DUOXA1: variants seen among roughly 807,000 people sequenced by gnomAD.
DUOXA1 encodes dual oxidase activator 1.
A neutral mutation model predicts 26.6 loss-of-function variants in DUOXA1; 19 were observed. That is an observed-to-expected ratio of 0.71 (90% CI 0.50 to 1.05). The LOEUF (loss-of-function observed/expected upper bound fraction) is 1.05. DUOXA1 is among the 50% of genes least tolerant of loss of function. DUOXA1 has a pLI of 0.00. For missense variants in DUOXA1, 403 were observed against 427.5 expected, an observed-to-expected ratio of 0.94 and a Z score of 0.51; for synonymous variants, 166 against 177.0, an observed-to-expected ratio of 0.94 and a Z score of 0.49.
In DUOXA1 at chr15:45,120,148, G is replaced by C. The variant is rs201757094; in HGVS notation, c.727C>G (p.Leu243Val). 1 of 1,614,118 alleles carries C rather than the reference G, an allele frequency of 6.2e-7. No homozygotes were observed. Among genetic ancestry groups the C allele is most frequent in the East Asian group, 2.2e-5 (1 of 44,894 alleles). The change falls in exon 8 of 9, where the codon CTG becomes GTG. Residue 243 changes from leucine to valine, a missense_variant. Coordinates refer to ENST00000560572, the MANE Select transcript of DUOXA1 (RefSeq NM_001276266.2). ...PCPLHLGASV[L>V]HTHHGPAFWI... is the part of the protein sequence containing the mutation. ...AAGGCAGGCCCATGGTGAGTATGCA[G>C]CACAGAAGCGCCCAGGTGCAGGGGA...
At chr15:45,120,460 G>A in intron 7 of DUOXA1, 132 bp downstream of exon 7, 1 of 1,445,046 alleles carries the variant, frequency 6.9e-7, no homozygotes, top group Non-Finnish European at 9.7e-7. Flanking sequence ...GACTTCCCAA[G>A]CCAGCACCAT....
In DUOXA1 at chr15:45,119,114, C is replaced by G. The variant is rs372874489; in HGVS notation, c.1024G>C (p.Ala342Pro). The change falls in exon 9 of 9, where the codon GCT (alanine) becomes CCT (proline). Residue 342 changes from alanine to proline, a missense_variant. By Grantham distance (27) the Ala-to-Pro change is conservative. Transcript: ENST00000560572. ...CTCCACGGGGAGGAATGTTATAAAG[C>G]ACAATCAGGATCTTTGGGGTGTGCC... ...KEAHPKDPDC[A>P]L is the part of the protein sequence containing the mutation. The G allele has an allele frequency of 2.5e-6, 4 of 1,585,124 alleles. No individual in the cohort carries two copies. In the African/African-American group the frequency reaches 5.4e-5, roughly 21 times the overall value.
intron 8 of DUOXA1, 65 bp from the exon 9 acceptor site, chr15:45,119,430 C>A: frequency 1.3e-6 from 2 of 1,510,418 alleles, no homozygotes; most frequent in East Asian, 2.5e-5. Context: ...ATATCTTCCC[C>A]TGGGAGTGTC....
At chr15:45,121,816 C>T (rs958714059) in intron 5 of DUOXA1, among the ~76,000 whole-genome samples, 3 of 152,230 alleles carry the variant, frequency 2.0e-5, no homozygotes, top group Non-Finnish European at 4.4e-5. Context: ...TGTGCCCGGC[C>T]TCACGGAGAC....
In DUOXA1 at chr15:45,120,301, G is replaced by C; in HGVS notation, c.574C>G (p.Leu192Val). ...ATGGAGAGCATCACATTGGCCAGCA[G>C]CCAGCAGAGGAATGCCACCCTGGAG... is the stretch of plus-strand genomic sequence containing the variant. ...AMLWVAFLCW[L>V]LANVMLSMPV... Residue 192 changes from leucine to valine, a missense_variant, in exon 8 of 9, where the codon CTG becomes GTG. Leu to Val is a conservative substitution (Grantham distance 32, BLOSUM62 1). Transcript: ENST00000560572. 1 of 1,614,080 alleles carries C rather than the reference G, an allele frequency of 6.2e-7. No individual in the cohort carries two copies.
rs1015726976 is a variant in DUOXA1, at chr15:45,122,203, T to C, written c.187A>G (p.Ile63Val). ...CACTCACCCAGGATTGCAGCCCCGATGAATAAGCTGGTCACCACCCGAAGC... is the reference window on the plus strand; with the variant it reads ...CACTCACCCAGGATTGCAGCCCCGACGAATAAGCTGGTCACCACCCGAAGC... ...WLLRVVTSLF[I>V]GAAILAVNFS... Residue 63 changes from isoleucine to valine, a missense_variant, in exon 5 of 9, where the codon ATC (isoleucine) becomes GTC (valine). Ile to Val is a conservative substitution (Grantham distance 29, BLOSUM62 3). Transcript: ENST00000560572. 1.2e-6 allele frequency: 2 copies of C among 1,604,896 alleles called. No homozygotes were observed. Among genetic ancestry groups the C allele is most frequent in the Non-Finnish European group, 1.7e-6 (2 of 1,175,706 alleles).
rs1490607412 is a variant in DUOXA1, at chr15:45,122,888, G to C, written c.127C>G (p.Pro43Ala). Residue 43 changes from proline (P) to alanine (A), a missense_variant, in exon 4 of 9, where the codon CCT becomes GCT. Coordinates refer to ENST00000560572, the MANE Select transcript of DUOXA1 (RefSeq NM_001276266.2). ...TALATFIVIL[P>A]GIRGKTRLFW... ...CTCACCGTCTTTCCCCGAATGCCAG[G>C]CAGGATGACGATGAACGTGGCCAGT... The C allele has an allele frequency of 8.7e-6, 14 of 1,610,538 alleles. No homozygotes were observed. Among genetic ancestry groups the C allele is most frequent in the Non-Finnish European group, 1.2e-5 (14 of 1,178,740 alleles).
rs1896029642 is a variant in DUOXA1 at position 45,129,854 on chromosome 15, C to T, written c.-305G>A. 6.6e-6 allele frequency: 1 copy of T among 152,310 alleles called. No homozygotes were observed. The highest frequency in any genetic ancestry group is 6.5e-5 in the Admixed American group (1 of 15,280). 9.4% of individuals were successfully genotyped at this position (152,310 alleles called of 1,614,324 possible). ...CCCGGGAGCCCTCGCCGTCTCACCT[C>T]GCGCGCTGCCGTCCGCTGGAAGCAC... On this transcript the variant is annotated splice_region_variant and 5_prime_UTR_variant, in exon 1 of 9. Transcript: ENST00000560572. The surrounding 1 kb of genome is among the most constrained non-coding windows in gnomAD (Gnocchi z 4.1).
intron 3 of DUOXA1, 93 bp from the exon 4 acceptor site, chr15:45,123,136 G>C: frequency 2.4e-6 from 3 of 1,273,392 alleles, no homozygotes; most frequent in East Asian, 3.0e-5. Context: ...AGCCAGACTA[G>C]GTTCCTCTTC....
chr15:45,117,933 C>A lies in DUOXA1; in HGVS notation c.*1173G>T, dbSNP rs1894783538. 2 of 1,613,070 alleles carry A rather than the reference C, an allele frequency of 1.2e-6. No individual in the cohort carries two copies. The highest frequency in any genetic ancestry group is 1.7e-6 in the Non-Finnish European group (2 of 1,179,998). On this transcript the variant is annotated 3_prime_UTR_variant, in exon 9 of 9. Coordinates refer to ENST00000560572, the MANE Select transcript of DUOXA1 (RefSeq NM_001276266.2). ...GAGGGGGACCCAATCTGGACTCCTTCCCCGCCTTGGGACATCGCAGGCCGG... is the reference window on the plus strand; with the variant it reads ...GAGGGGGACCCAATCTGGACTCCTTACCCGCCTTGGGACATCGCAGGCCGG...
rs1197236086 is a variant in DUOXA1 at position 45,118,533 on chromosome 15, G to C, written c.*573C>G. The C allele has an allele frequency of 2.0e-6, 2 of 992,862 alleles. No individual in the cohort carries two copies. The highest frequency in any genetic ancestry group is 3.5e-5 in the African/African-American group (2 of 57,452). 61.5% of individuals were successfully genotyped at this position (992,862 alleles called of 1,614,324 possible). A position where few individuals can be genotyped will look rare whatever the true frequency, so the allele number is the denominator to read the frequency against. ...TTGGCAAGTCTTGCAATCTTATGTA[G>C]CAAATTTGGGAACTGAAGCTCAAAG... is the stretch of plus-strand genomic sequence containing the variant. On this transcript the variant is annotated 3_prime_UTR_variant, in exon 9 of 9. Coordinates refer to ENST00000560572, the MANE Select transcript of DUOXA1 (RefSeq NM_001276266.2).
intron 3 of DUOXA1, among the ~76,000 whole-genome samples, chr15:45,123,291 T>C (rs1039901173): frequency 5.3e-5 from 8 of 152,090 alleles, no homozygotes; most frequent in Non-Finnish European, 1.0e-4. Flanking sequence ...TCTCTTAACC[T>C]CCAGGTTCCA....
rs1047617418 is a variant in DUOXA1 at position 45,117,557 on chromosome 15, C to T, written c.*1549G>A. ...GGCGGGAGGTAACACAAGGGGTAGG[C>T]TCCAAAAGATGGAAGAAGGCCCGGG... is the stretch of plus-strand genomic sequence containing the variant. On this transcript the variant is annotated 3_prime_UTR_variant, in exon 9 of 9. Transcript: ENST00000560572. 1.9e-6 allele frequency: 3 copies of T among 1,584,554 alleles called. No homozygotes were observed. In the African/African-American group the frequency reaches 4.1e-5, roughly 21 times the overall value.
chr15:45,118,082 C>G lies in DUOXA1; in HGVS notation c.*1024G>C, dbSNP rs1894802898. The G allele has an allele frequency of 6.6e-7, 1 of 1,522,250 alleles. No homozygotes were observed. The highest frequency in any genetic ancestry group is 8.8e-7 in the Non-Finnish European group (1 of 1,137,346). 94.3% of individuals were successfully genotyped at this position (1,522,250 alleles called of 1,614,324 possible). ...CTCCTGGGGCGATCTGTAAATAAAC[C>G]TTTTTTTCTTTTGTTTTTTAAAAAC... On this transcript the variant is annotated 3_prime_UTR_variant, in exon 9 of 9. Transcript: ENST00000560572.
chr15:45,126,999 A>C (rs1050904036), intron 3 of DUOXA1, among the ~76,000 whole-genome samples: 1 of 152,250 alleles, frequency 6.6e-6, no homozygotes, highest in African/African-American at 2.4e-5. Context: ...TGAGTAACTA[A>C]GAATTCGTGT....
intron 7 of DUOXA1, 67 bp from the exon 8 acceptor site, chr15:45,120,387 C>T (rs1404572178): frequency 1.3e-6 from 2 of 1,594,524 alleles, no homozygotes; most frequent in South Asian, 1.1e-5. Flanking sequence ...TTGGATGGGC[C>T]CAGGCGGAGG....
rs376566723 is a variant in DUOXA1 at position 45,122,983 on chromosome 15, T to G, written c.32A>C (p.Tyr11Ser). ...CGGGAAGGTTGGCTTGGGGCCAGCA[T>G]AGAAGGGGAATGTGTGTCCCAAAGT... MATLGHTFPF[Y>S]AGPKPTFPMD... is the part of the protein sequence containing the mutation. Residue 11 changes from tyrosine to serine, a missense_variant, in exon 4 of 9, where the codon TAT becomes TCT. Coordinates refer to ENST00000560572, the MANE Select transcript of DUOXA1 (RefSeq NM_001276266.2). The G allele has an allele frequency of 3.1e-6, 5 of 1,612,826 alleles. No homozygotes were observed. The highest frequency in any genetic ancestry group is 4.2e-6 in the Non-Finnish European group (5 of 1,179,452).
chr15:45,118,799 A>G lies in DUOXA1; in HGVS notation c.*307T>C. The G allele has an allele frequency of 9.2e-7, 1 of 1,090,120 alleles. No individual in the cohort carries two copies. The highest frequency in any genetic ancestry group is 1.1e-6 in the Non-Finnish European group (1 of 897,874). 67.5% of individuals were successfully genotyped at this position (1,090,120 alleles called of 1,614,324 possible). Reference sequence around the variant, plus strand: ...GGGGTGAAGTTAGGTTTCAGTGAATAGCATCTTGAAGAGGCAAGGCAGCAC... The same window carrying G: ...GGGGTGAAGTTAGGTTTCAGTGAATGGCATCTTGAAGAGGCAAGGCAGCAC... On this transcript the variant is annotated 3_prime_UTR_variant, in exon 9 of 9. Coordinates refer to ENST00000560572, the MANE Select transcript of DUOXA1 (RefSeq NM_001276266.2).
chr15:45,119,094 C>T lies in DUOXA1; in HGVS notation c.*12G>A, dbSNP rs752170231. The T allele has an allele frequency of 1.3e-5, 21 of 1,560,062 alleles. No individual in the cohort carries two copies. The highest frequency in any genetic ancestry group is 1.8e-5 in the Admixed American group (1 of 57,018). ...AGACTGGAAGTCCAGGTGGCCTCCACGGGGAGGAATGTTATAAAGCACAAT... is the reference window on the plus strand; with the variant it reads ...AGACTGGAAGTCCAGGTGGCCTCCATGGGGAGGAATGTTATAAAGCACAAT... On this transcript the variant is annotated 3_prime_UTR_variant, in exon 9 of 9. Coordinates refer to ENST00000560572, the MANE Select transcript of DUOXA1 (RefSeq NM_001276266.2).
Sources: allele counts gnomAD v4.1 joint callset (sites outside exome capture counted in the v4.1 genomes callset), GRCh38; gene constraint gnomAD v4.1.1; non-coding constraint Gnocchi (gnomAD v3.1); transcripts MANE v1.5; gene names NCBI Gene and HGNC (gene_info 2026-07-23, HGNC 2026-07-21).